The following ZBTB20 variants were observed in gnomAD, a reference collection of about 807,000 sequenced individuals.
ZBTB20 encodes the protein zinc finger and BTB domain-containing protein 20.
In ZBTB20, 9 loss-of-function variants were observed where a neutral mutation model predicts 56.9. That is an observed-to-expected ratio of 0.16 (90% CI 0.10 to 0.28). The LOEUF (loss-of-function observed/expected upper bound fraction) is 0.28. Among genes scored for constraint, ZBTB20 ranks in the 10% least tolerant of loss-of-function variants. The pLI is 1.00. For synonymous variants in ZBTB20, 417 were observed against 420.7 expected, an observed-to-expected ratio of 0.99 and a Z score of 0.11; for missense variants, 655 against 1,003.0, an observed-to-expected ratio of 0.65 and a Z score of 4.69.
At chr3:114,787,579 G>A (rs1474253618) in intron 5 of ZBTB20, among the ~76,000 whole-genome samples, 15 of 151,666 alleles carry the variant, frequency 9.9e-5, no homozygotes, top group Admixed American at 9.9e-4. Flanking sequence ...GTGGTGAGAG[G>A]ATGGATAAAG....
chr3:115,108,477 T>A (rs757565495), intron 1 of ZBTB20, among the ~76,000 whole-genome samples: 1 of 152,148 alleles, frequency 6.6e-6, no homozygotes, highest in Admixed American at 6.5e-5. Flanking sequence ...GTAGTGGGAA[T>A]TTCCCAATGT....
intron 4 of ZBTB20, among the ~76,000 whole-genome samples, chr3:114,842,705 C>T (rs368634014): frequency 3.3e-5 from 5 of 152,118 alleles, no homozygotes; most frequent in African/African-American, 4.8e-5. Flanking sequence ...GCCACTGTTG[C>T]AAGGAGGAAA....
chr3:115,074,377 A>G (rs1004779073), intron 1 of ZBTB20, among the ~76,000 whole-genome samples: 2 of 152,188 alleles, frequency 1.3e-5, no homozygotes, highest in Non-Finnish European at 2.9e-5. Context: ...AGCTCAACAC[A>G]GTACCTGTTC....
chr3:114,915,691 T>A (rs1293176719), intron 3 of ZBTB20, among the ~76,000 whole-genome samples: 2 of 151,962 alleles, frequency 1.3e-5, no homozygotes, highest in East Asian at 3.8e-4. Context: ...TTATTGAAAG[T>A]TTTTCTACTT....
intron 8 of ZBTB20, chr3:114,383,537 C>T (rs542226961): frequency 1.3e-5 from 2 of 152,332 alleles, no homozygotes; most frequent in African/African-American, 2.4e-5. Flanking sequence ...GGCATTGGAG[C>T]TACCTCTATA....
intron 7 of ZBTB20, among the ~76,000 whole-genome samples, chr3:114,420,334 T>A (rs147289672): frequency 2.6e-5 from 4 of 152,262 alleles, no homozygotes; most frequent in African/African-American, 7.2e-5. Context: ...CTTGGAGTTA[T>A]CCTTGGTGTT....
intron 2 of ZBTB20, among the ~76,000 whole-genome samples, chr3:115,013,648 G>A (rs189993738): frequency 6.6e-6 from 1 of 151,766 alleles, no homozygotes; most frequent in African/African-American, 2.4e-5. Flanking sequence ...AAACAGAGGA[G>A]GAGGAAATAC....
At chr3:114,527,259 T>A (rs767950161) in intron 6 of ZBTB20, 1 of 151,802 alleles carries the variant, frequency 6.6e-6, no homozygotes, top group Non-Finnish European at 1.5e-5. Flanking sequence ...CTGATGGGAG[T>A]CTCACAGGAG....
intron 1 of ZBTB20, among the ~76,000 whole-genome samples, chr3:115,093,876 T>C (rs2083287513): frequency 1.3e-5 from 2 of 152,198 alleles, no homozygotes; most frequent in African/African-American, 4.8e-5. Context: ...GGAATTTATA[T>C]AGATCTGCTT....
chr3:115,095,204 T>A (rs2083335971), intron 1 of ZBTB20, among the ~76,000 whole-genome samples: 1 of 152,168 alleles, frequency 6.6e-6, no homozygotes. Context: ...AAAAATATGT[T>A]CTTCTTCCCT....
intron 6 of ZBTB20, among the ~76,000 whole-genome samples, chr3:114,552,756 T>A (rs946484060): frequency 1.3e-5 from 2 of 152,174 alleles, no homozygotes; most frequent in Non-Finnish European, 2.9e-5. Flanking sequence ...CTCTCTTATG[T>A]TGGATTAAGA....
chr3:114,423,554 ATAATGGTCAT>A (rs1282627733), intron 7 of ZBTB20, among the ~76,000 whole-genome samples: 1 of 152,216 alleles, frequency 6.6e-6, no homozygotes, highest in African/African-American at 2.4e-5. Context: ...AGATAATTTG[ATAATGGTCAT>A]TAGTAAGATG....
At chr3:114,352,939 G>A (rs2080832453) in intron 10 of ZBTB20, among the ~76,000 whole-genome samples, 1 of 152,198 alleles carries the variant, frequency 6.6e-6, no homozygotes, top group African/African-American at 2.4e-5. Context: ...CTATGTGGAG[G>A]CTGCGGATAG....
intron 4 of ZBTB20, among the ~76,000 whole-genome samples, chr3:114,805,473 G>A (rs1191312140): frequency 7.1e-6 from 1 of 140,630 alleles, no homozygotes; most frequent in East Asian, 2.2e-4. Context: ...TTTTAGAGAA[G>A]AATACAAAAG....
intron 11 of ZBTB20, among the ~76,000 whole-genome samples, chr3:114,347,616 C>T (rs995715569): frequency 1.3e-5 from 2 of 152,172 alleles, no homozygotes; most frequent in African/African-American, 4.8e-5. Context: ...TGAATTATTT[C>T]CACATGTTCC....
rs116516546 is a variant in ZBTB20, at chr3:114,465,225, T to C, written c.-255+35127A>G. On this transcript the variant is annotated intron_variant, in intron 7 of 11. Transcript: ENST00000675478. The stretch of plus-strand genomic sequence containing the variant: ...CAGTTTGGTGAGTGTTTGTTCTCTG[T>C]TAGGCTTGGTGCATATTAATTCGTA... Among the ~76,000 whole-genome samples, 453 of 152,298 alleles carry C rather than the reference T, an allele frequency of 3.0e-3. 2 individuals are homozygous for C. Among genetic ancestry groups the C allele is most frequent in the African/African-American group, 0.01 (433 of 41,576 alleles).
At chr3:114,433,165 G>A (rs540849612) in intron 7 of ZBTB20, among the ~76,000 whole-genome samples, 65 of 152,104 alleles carry the variant, frequency 4.3e-4, no homozygotes, top group Non-Finnish European at 8.5e-4. Context: ...TTTTCCTTCT[G>A]CCCTGTAAGA....
chr3:114,552,330 T>C (rs1175795733), intron 6 of ZBTB20, among the ~76,000 whole-genome samples: 1 of 152,158 alleles, frequency 6.6e-6, no homozygotes, highest in African/African-American at 2.4e-5. Context: ...GGAATGGTCA[T>C]GAAGAGAGAA....
intron 3 of ZBTB20, among the ~76,000 whole-genome samples, chr3:114,944,979 T>C (rs1349949728): frequency 6.9e-6 from 1 of 145,824 alleles, no homozygotes; most frequent in Non-Finnish European, 1.5e-5. Context: ...ATACTTTAAA[T>C]GTTCTTACCA....
Sources: gnomAD v4.1 joint callset for allele counts (sites outside exome capture counted in the v4.1 genomes callset) on GRCh38, gnomAD v4.1.1 for gene constraint, MANE v1.5 for transcripts, NCBI Gene and HGNC (gene_info 2026-07-23, HGNC 2026-07-21) for gene names.